OR4K17: variants seen among roughly 807,000 people sequenced by gnomAD.
OR4K17 encodes the protein olfactory receptor 4K17.
For synonymous variants in OR4K17, 157 were observed against 132.8 expected, an observed-to-expected ratio of 1.18 and a Z score of -1.25; for missense variants, 480 against 366.3, an observed-to-expected ratio of 1.31 and a Z score of -2.53.
chr14:20,115,930 T>C (rs1399762900), intron 1 of OR4K17, among the ~76,000 whole-genome samples: 1 of 152,160 alleles, frequency 6.6e-6, no homozygotes, highest in Non-Finnish European at 1.5e-5. Flanking sequence ...ATATTTGTAT[T>C]TGAGTTGATT....
At chr14:20,112,219 C>A (rs915914285) in intron 1 of OR4K17, 8 of 151,966 alleles carry the variant, frequency 5.3e-5, no homozygotes, top group African/African-American at 1.7e-4. Context: ...TAGTTTCTCG[C>A]TAGAGCATAT....
intron 1 of OR4K17, among the ~76,000 whole-genome samples, chr14:20,116,381 C>T (rs933007534): frequency 3.3e-5 from 5 of 151,990 alleles, no homozygotes; most frequent in South Asian, 4.1e-4. Flanking sequence ...ATATTATTTT[C>T]CAGATTGGAA....
In OR4K17 at chr14:20,117,731, AC is replaced by A. The variant is rs1566552408; in HGVS notation, c.236del (p.Pro79LeufsTer3). 1 of 1,613,920 alleles carries A rather than the reference AC, an allele frequency of 6.2e-7. No individual in the cohort carries two copies. The highest frequency in any genetic ancestry group is 1.1e-5 in the South Asian group (1 of 91,064). On this transcript the variant is annotated frameshift_variant, in exon 2 of 2. Coordinates refer to ENST00000641386, the MANE Select transcript of OR4K17 (RefSeq NM_001004715.5). LOFTEE classifies it low-confidence loss of function (END_TRUNC). Reference protein sequence around the residue: ...FVDMTLASFATPKVILNLLKK... With the variant: ...FVDMTLASFAXPKVILNLLKK... ...AGATATGACCCTTGCTTCTTTTGCC[AC>A]CCCTAAGGTGATTCTGAACTTGTTA...
chr14:20,118,688 G>T lies in OR4K17; in HGVS notation c.*250G>T. On this transcript the variant is annotated 3_prime_UTR_variant, in exon 2 of 2. Transcript: ENST00000641386. ...GCCCCCCAAGCTGCAAAACCAGCAA[G>T]TTTTTATTATGGATTTCAAAAGGGA... 3.2e-6 allele frequency: 1 copy of T among 309,312 alleles called. No homozygotes were observed. The highest frequency in any genetic ancestry group is 4.8e-5 in the South Asian group (1 of 20,830). The allele number at this position is 309,312 out of a possible 1,614,324, so 19.2% of individuals were successfully genotyped here. A position where few individuals can be genotyped will look rare whatever the true frequency, so the allele number is the denominator to read the frequency against.
In OR4K17 at chr14:20,118,165, C is replaced by G; in HGVS notation, c.666C>G (p.Leu222=). Residue 222 remains leucine, a synonymous_variant, in exon 2 of 2, where the codon CTC becomes CTG. Transcript: ENST00000641386. The part of the protein sequence containing the change: ...IILLISYSLI[L]ITIKNHSPTG... ...TGCTTATCTCCTACAGTCTGATCCT[C>G]ATAACCATTAAGAACCACTCTCCTA... 1 of 1,614,170 alleles carries G rather than the reference C, an allele frequency of 6.2e-7. No homozygotes were observed. The highest frequency in any genetic ancestry group is 1.1e-5 in the South Asian group (1 of 91,086).
chr14:20,115,564 A>T (rs1877971133), intron 1 of OR4K17, among the ~76,000 whole-genome samples: 1 of 152,106 alleles, frequency 6.6e-6, no homozygotes. Flanking sequence ...GAATGTTTCA[A>T]CTTTTGTGTA....
rs1323480290 is a variant in OR4K17, at chr14:20,117,982, A to G, written c.483A>G (p.Pro161=). The change falls in exon 2 of 2, where the codon CCA becomes CCG. Residue 161 remains proline, a synonymous_variant. Transcript: ENST00000641386. ...LGLLHSGFQI[P]FAVNLPFCGP... ...TCCTTCACTCAGGGTTTCAGATACCATTTGCTGTGAACTTGCCCTTTTGTG... is the reference window on the plus strand; with the variant it reads ...TCCTTCACTCAGGGTTTCAGATACCGTTTGCTGTGAACTTGCCCTTTTGTG... 6.2e-7 allele frequency: 1 copy of G among 1,614,072 alleles called. No homozygotes were observed. The highest frequency in any genetic ancestry group is 1.1e-5 in the South Asian group (1 of 91,068).
Position 20,122,022 on chromosome 14 carries a change from G to C in OR4K17, c.*3584G>C, listed in dbSNP as rs1005330507. The stretch of plus-strand genomic sequence containing the variant: ...GCAAATACTGTGACATTTTGTATAA[G>C]GGACTTAAGCATCTATAGATTTTGA... On this transcript the variant is annotated 3_prime_UTR_variant, in exon 2 of 2. Transcript: ENST00000641386. The C allele has an allele frequency of 2.6e-5, 4 of 151,998 alleles. No individual in the cohort carries two copies. The highest frequency in any genetic ancestry group is 2.1e-4 in the South Asian group (1 of 4,816). The allele number at this position is 151,998 out of a possible 1,614,324, so 9.4% of individuals were successfully genotyped here.
rs1450355620 is a variant in OR4K17 at position 20,120,717 on chromosome 14, A to G, written c.*2279A>G. The stretch of plus-strand genomic sequence containing the variant: ...CTATCCCAAACCACAGATCTATAGT[A>G]CCTCCATTCATACCTGCGCTTATGG... On this transcript the variant is annotated 3_prime_UTR_variant, in exon 2 of 2. Coordinates refer to ENST00000641386, the MANE Select transcript of OR4K17 (RefSeq NM_001004715.5). The G allele has an allele frequency of 6.6e-6, 1 of 152,182 alleles. No individual in the cohort carries two copies. Among genetic ancestry groups the G allele is most frequent in the Non-Finnish European group, 1.5e-5 (1 of 68,084 alleles). 9.4% of individuals were successfully genotyped at this position (152,182 alleles called of 1,614,324 possible).
chr14:20,118,157 C>G lies in OR4K17; in HGVS notation c.658C>G (p.Leu220Val), dbSNP rs745951508. The change falls in exon 2 of 2, where the codon CTG becomes GTG. Residue 220 changes from leucine (L) to valine (V), a missense_variant. Physicochemically the swap from Leu to Val is conservative, Grantham distance 32 (BLOSUM62 1). Transcript: ENST00000641386. ...CATTATTTTGCTTATCTCCTACAGT[C>G]TGATCCTCATAACCATTAAGAACCA... ...CFIILLISYSLILITIKNHSP... is the reference protein window; with the variant it reads ...CFIILLISYSVILITIKNHSP... The G allele has an allele frequency of 6.2e-7, 1 of 1,614,154 alleles. No individual in the cohort carries two copies. The highest frequency in any genetic ancestry group is 1.3e-5 in the African/African-American group (1 of 75,050).
At chr14:20,115,821 C>A (rs181029067) in intron 1 of OR4K17, among the ~76,000 whole-genome samples, 1 of 151,848 alleles carries the variant, frequency 6.6e-6, no homozygotes, top group Non-Finnish European at 1.5e-5. Flanking sequence ...GGCCCTGGAG[C>A]AAAGATAATG....
At position 20,118,238 on chromosome 14, in the gene OR4K17, G is replaced by T. The variant is rs1422291704; in HGVS notation, c.739G>T (p.Val247Leu). 9.3e-6 allele frequency: 15 copies of T among 1,613,912 alleles called. No homozygotes were observed. Among genetic ancestry groups the T allele is most frequent in the Non-Finnish European group, 1.2e-5 (14 of 1,179,936 alleles). Residue 247 changes from valine to leucine, a missense_variant, in exon 2 of 2, where the codon GTG (valine) becomes TTG (leucine). Coordinates refer to ENST00000641386, the MANE Select transcript of OR4K17 (RefSeq NM_001004715.5). ...RSTLTAHITVVILFFGPCIFI... is the reference protein window; with the variant it reads ...RSTLTAHITVLILFFGPCIFI... Reference sequence around the variant, plus strand: ...CACTTTGACTGCTCACATCACAGTGGTGATTCTCTTCTTTGGCCCATGCAT... The same window carrying T: ...CACTTTGACTGCTCACATCACAGTGTTGATTCTCTTCTTTGGCCCATGCAT...
chr14:20,117,278 A>G (rs1878014990), intron 1 of OR4K17, 190 bp from the exon 2 acceptor site: 1 of 638,298 alleles, frequency 1.6e-6, no homozygotes, highest in South Asian at 2.1e-5. Flanking sequence ...TCAATAGGTC[A>G]TTGCTCTTTT....
intron 1 of OR4K17, among the ~76,000 whole-genome samples, chr14:20,116,454 C>A (rs542502839): frequency 6.6e-6 from 1 of 152,138 alleles, no homozygotes; most frequent in Non-Finnish European, 1.5e-5. Context: ...CTGAAGGCTC[C>A]AGTATGGGGG....
rs567582564 is a variant in OR4K17, at chr14:20,119,086, C to T, written c.*648C>T. On this transcript the variant is annotated 3_prime_UTR_variant, in exon 2 of 2. Transcript: ENST00000641386. ...TGCATTCTCCTTCTCAGGGTTATTC[C>T]TTGCTGAGAAAAAGAATTCAGCGAT... 2.6e-5 allele frequency: 4 copies of T among 152,316 alleles called. No individual in the cohort carries two copies. Among genetic ancestry groups the T allele is most frequent in the Admixed American group, 2.6e-4 (4 of 15,292 alleles). 9.4% of individuals were successfully genotyped at this position (152,316 alleles called of 1,614,324 possible). A position where few individuals can be genotyped will look rare whatever the true frequency, so the allele number is the denominator to read the frequency against.
rs1000658297 is a variant in OR4K17, at chr14:20,120,733, G to A, written c.*2295G>A. The A allele has an allele frequency of 6.6e-6, 1 of 152,228 alleles. No individual in the cohort carries two copies. The highest frequency in any genetic ancestry group is 2.4e-5 in the African/African-American group (1 of 41,424). 9.4% of individuals were successfully genotyped at this position (152,228 alleles called of 1,614,324 possible). A position where few individuals can be genotyped will look rare whatever the true frequency, so the allele number is the denominator to read the frequency against. ...ATCTATAGTACCTCCATTCATACCT[G>A]CGCTTATGGCTCCAGATCCATGGCT... is the stretch of plus-strand genomic sequence containing the variant. On this transcript the variant is annotated 3_prime_UTR_variant, in exon 2 of 2. Coordinates refer to ENST00000641386, the MANE Select transcript of OR4K17 (RefSeq NM_001004715.5).
intron 1 of OR4K17, among the ~76,000 whole-genome samples, chr14:20,111,653 T>C (rs571387561): frequency 6.6e-6 from 1 of 152,136 alleles, no homozygotes; most frequent in South Asian, 2.1e-4. Flanking sequence ...TTCTACAATT[T>C]CCAGGAAAGA....
intron 1 of OR4K17, among the ~76,000 whole-genome samples, chr14:20,115,898 A>G (rs1877980512): frequency 6.6e-6 from 1 of 152,056 alleles, no homozygotes; most frequent in Non-Finnish European, 1.5e-5. Context: ...TTAGACAACT[A>G]TTTTTCACAC....
rs1447868162 is a variant in OR4K17, at chr14:20,121,489, G to A, written c.*3051G>A. 2.0e-5 allele frequency: 3 copies of A among 152,114 alleles called. No individual in the cohort carries two copies. The highest frequency in any genetic ancestry group is 4.4e-5 in the Non-Finnish European group (3 of 68,014). 9.4% of individuals were successfully genotyped at this position (152,114 alleles called of 1,614,324 possible). ...GACAGTAAAAACATAAAATGTGTGG[G>A]GGAGGTAGAATAAAAGTGTAGACTT... On this transcript the variant is annotated 3_prime_UTR_variant, in exon 2 of 2. Coordinates refer to ENST00000641386, the MANE Select transcript of OR4K17 (RefSeq NM_001004715.5).
Sources: allele counts gnomAD v4.1 joint callset (sites outside exome capture counted in the v4.1 genomes callset), GRCh38; gene constraint gnomAD v4.1.1; transcripts MANE v1.5; gene names NCBI Gene and HGNC (gene_info 2026-07-23, HGNC 2026-07-21).